Variants in ENTREP2 observed in about 807,000 individuals in gnomAD.
The protein encoded by ENTREP2 is endosomal transmembrane epsin interactor 2, also known as protein ENTREP2.
chr15:29,535,937 C>T, the ENTREP2 span, among the ~76,000 whole-genome samples: 1 of 152,064 alleles, frequency 6.6e-6, no homozygotes, highest in Non-Finnish European at 1.5e-5. Flanking sequence ...AGGGGCTAGT[C>T]GGAAAACATT....
At chr15:29,311,061 G>A in the ENTREP2 span, among the ~76,000 whole-genome samples, 3 of 150,002 alleles carry the variant, frequency 2.0e-5, no homozygotes, top group Admixed American at 6.6e-5. Context: ...AAGAGGACCC[G>A]TAAGGAGATT....
At chr15:29,311,341 T>C in the ENTREP2 span, among the ~76,000 whole-genome samples, 2 of 152,214 alleles carry the variant, frequency 1.3e-5, no homozygotes, top group African/African-American at 4.8e-5. Context: ...CTGTTGTACT[T>C]TTCTGTATTT....
chr15:29,662,381 G>T, the ENTREP2 span, among the ~76,000 whole-genome samples: 2 of 152,044 alleles, frequency 1.3e-5, no homozygotes, highest in Non-Finnish European at 2.9e-5. Flanking sequence ...CAGTCTTATT[G>T]TGCCTGCTTT....
the ENTREP2 span, among the ~76,000 whole-genome samples, chr15:29,364,665 C>G: frequency 6.6e-6 from 1 of 152,124 alleles, no homozygotes; most frequent in Non-Finnish European, 1.5e-5. Flanking sequence ...TCATGCCTTT[C>G]CCTATTGTTA....
chr15:29,398,494 C>T, the ENTREP2 span, among the ~76,000 whole-genome samples: 4 of 152,058 alleles, frequency 2.6e-5, no homozygotes, highest in Non-Finnish European at 5.9e-5. Context: ...GAGGCCGAGG[C>T]TAGCGGATCA....
chr15:29,356,600 T>C, the ENTREP2 span, among the ~76,000 whole-genome samples: 1 of 151,884 alleles, frequency 6.6e-6, no homozygotes, highest in Non-Finnish European at 1.5e-5. Context: ...CCACCGCGCC[T>C]GGCCTGAAAT....
At chr15:29,286,222 G>GA in the ENTREP2 span, among the ~76,000 whole-genome samples, 2 of 152,024 alleles carry the variant, frequency 1.3e-5, no homozygotes, top group Non-Finnish European at 2.9e-5. Flanking sequence ...CAAGATTGGG[G>GA]AAAAACCCCA....
the ENTREP2 span, among the ~76,000 whole-genome samples, chr15:29,475,729 G>C: frequency 6.6e-6 from 1 of 152,228 alleles, no homozygotes; most frequent in Non-Finnish European, 1.5e-5. Flanking sequence ...GTCCCAGAGA[G>C]GGGTATGGGT....
the ENTREP2 span, among the ~76,000 whole-genome samples, chr15:29,414,231 T>C: frequency 1.3e-3 from 195 of 152,222 alleles, 1 homozygote; most frequent in African/African-American, 3.9e-3. Flanking sequence ...TATTCCAAAA[T>C]TGACCACATA....
the ENTREP2 span, among the ~76,000 whole-genome samples, chr15:29,390,547 C>G: frequency 2.6e-5 from 4 of 152,160 alleles, no homozygotes; most frequent in Non-Finnish European, 5.9e-5. Context: ...CCCCACCCAG[C>G]CTAATAGAGG....
the ENTREP2 span, among the ~76,000 whole-genome samples, chr15:29,487,178 A>G: frequency 6.6e-6 from 1 of 152,212 alleles, no homozygotes; most frequent in Non-Finnish European, 1.5e-5. Flanking sequence ...ACAACTAAAA[A>G]TAAAAGGGAA....
the ENTREP2 span, among the ~76,000 whole-genome samples, chr15:29,303,610 C>T: frequency 1.3e-5 from 2 of 152,014 alleles, no homozygotes; most frequent in Admixed American, 6.6e-5. Context: ...GCACAGTACC[C>T]GACAGGTAGT....
At chr15:29,240,324 AT>A in the ENTREP2 span, among the ~76,000 whole-genome samples, 2 of 151,604 alleles carry the variant, frequency 1.3e-5, no homozygotes, top group African/African-American at 4.8e-5. Context: ...AGATTGCACC[AT>A]TCACTCCAGC....
At chr15:29,236,237 C>A in the ENTREP2 span, among the ~76,000 whole-genome samples, 1 of 152,174 alleles carries the variant, frequency 6.6e-6, no homozygotes, top group Non-Finnish European at 1.5e-5. Flanking sequence ...ATATGAACAA[C>A]TCTTCACAAG....
the ENTREP2 span, among the ~76,000 whole-genome samples, chr15:29,594,209 T>G: frequency 6.6e-6 from 1 of 152,148 alleles, no homozygotes; most frequent in Admixed American, 6.5e-5. Context: ...CTGAAACAGA[T>G]AGGGAGGATA....
chr15:29,459,138 A>C, the ENTREP2 span, among the ~76,000 whole-genome samples: 1,192 of 152,220 alleles, frequency 7.8e-3, 13 homozygotes, highest in African/African-American at 0.028. Context: ...TAAGATTTCC[A>C]TTATTTCCTG....
the ENTREP2 span, chr15:29,195,121 T>A: frequency 1.0e-6 from 1 of 985,344 alleles, no homozygotes; most frequent in Non-Finnish European, 1.2e-6. Context: ...CCTGGTCCCA[T>A]GATGGGATGG....
chr15:29,626,333 GT>G, the ENTREP2 span, among the ~76,000 whole-genome samples: 12 of 152,148 alleles, frequency 7.9e-5, 1 homozygote, highest in South Asian at 4.1e-4. Context: ...CATGGGGGCG[GT>G]TTCCCCCATA....
chr15:29,412,054 G>A, the ENTREP2 span, among the ~76,000 whole-genome samples: 2 of 151,988 alleles, frequency 1.3e-5, no homozygotes, highest in Non-Finnish European at 2.9e-5. Flanking sequence ...CTTGGCCTAT[G>A]GCTCTGTCAT....
Sources: gnomAD v4.1 joint callset for allele counts (sites outside exome capture counted in the v4.1 genomes callset) on GRCh38, gnomAD v4.1.1 for gene constraint, MANE v1.5 for transcripts, NCBI Gene and HGNC (gene_info 2026-07-23, HGNC 2026-07-21) for gene names.